PTK2: variants seen among roughly 807,000 people sequenced by gnomAD.
PTK2 encodes the protein protein tyrosine kinase 2.
Under a neutral mutation model 150.1 loss-of-function variants are expected in PTK2, and 45 were observed. The ratio of observed to expected loss-of-function variants is 0.30; its 90% confidence interval spans 0.24 to 0.38. PTK2 has a LOEUF of 0.38. Among genes scored for constraint, PTK2 ranks in the 10% least tolerant of loss-of-function variants. The pLI is 1.00. For synonymous variants in PTK2, 432 were observed against 449.2 expected, an observed-to-expected ratio of 0.96 and a Z score of 0.48; for missense variants, 919 against 1,307.3, an observed-to-expected ratio of 0.70 and a Z score of 4.58.
In PTK2 at chr8:140,735,551, A is replaced by G. The variant is rs2100052133; in HGVS notation, c.1826-96T>C. On this transcript the variant is annotated intron_variant, in intron 21 of 31. Transcript: ENST00000522684. The stretch of plus-strand genomic sequence containing the variant: ...TTGTTCTTCTAGGCACTCGAGTACC[A>G]GCTGGGAGGTAATGGGCAAATTATC... 4.0e-6 allele frequency: 5 copies of G among 1,242,280 alleles called. No individual in the cohort carries two copies. The Admixed American group carries it at 8.8e-5, about 22-fold the overall frequency. 77.0% of individuals were successfully genotyped at this position (1,242,280 alleles called of 1,614,324 possible).
At chr8:140,901,435 A>C (rs2100158395) in intron 2 of PTK2, among the ~76,000 whole-genome samples, 1 of 152,204 alleles carries the variant, frequency 6.6e-6, no homozygotes, top group African/African-American at 2.4e-5. Context: ...GATTACATCA[A>C]GATAAAAAGC....
At chr8:140,902,561 T>C (rs1388452249) in intron 2 of PTK2, among the ~76,000 whole-genome samples, 1 of 152,200 alleles carries the variant, frequency 6.6e-6, no homozygotes, top group East Asian at 1.9e-4. Flanking sequence ...GTTGAACTAA[T>C]TTACACTCCC....
At chr8:140,764,964 C>G (rs1294478307) in intron 14 of PTK2, 1 of 152,192 alleles carries the variant, frequency 6.6e-6, no homozygotes, top group Non-Finnish European at 1.5e-5. Flanking sequence ...TCCAATGTAT[C>G]TACCTACTCT....
At chr8:141,000,127 C>CACACACACACAA (rs58481152) in intron 1 of PTK2, among the ~76,000 whole-genome samples, 27 of 123,842 alleles carry the variant, frequency 2.2e-4, no homozygotes, top group African/African-American at 7.7e-4. Context: ...ACACACACAC[C>CACACACACACAA]CCTTCTTCTA....
At chr8:140,909,457 G>A (rs1311379507) in intron 2 of PTK2, 2 of 152,130 alleles carry the variant, frequency 1.3e-5, no homozygotes, top group East Asian at 3.8e-4. Context: ...GCCTACAACT[G>A]GAGAAGGTTA....
intron 14 of PTK2, among the ~76,000 whole-genome samples, chr8:140,778,774 A>G (rs2100079889): frequency 6.6e-6 from 1 of 152,172 alleles, no homozygotes; most frequent in Admixed American, 6.6e-5. Context: ...TTGTTAAGAA[A>G]CCAGAGAAGA....
In PTK2 at chr8:140,793,447, T is replaced by C. The variant is rs1378632521; in HGVS notation, c.1094-63A>G. On this transcript the variant is annotated intron_variant, in intron 12 of 31. Transcript: ENST00000522684. ...TCACTCCTTTTGAAAAGATGGTGCC[T>C]AGAATCAGGGAGGAAGGATGAGGCC... The C allele has an allele frequency of 2.6e-6, 4 of 1,567,140 alleles. No individual in the cohort carries two copies. In the African/African-American group the frequency reaches 5.5e-5, roughly 22 times the overall value.
At chr8:140,705,810 A>T (rs2154140250) in intron 24 of PTK2, among the ~76,000 whole-genome samples, 1 of 152,206 alleles carries the variant, frequency 6.6e-6, no homozygotes, top group East Asian at 1.9e-4. Context: ...CCAGTTCAGT[A>T]CTCCCTCTGC....
intron 27 of PTK2, among the ~76,000 whole-genome samples, chr8:140,685,498 G>A (rs147017170): frequency 1.8e-4 from 27 of 152,266 alleles, no homozygotes; most frequent in Middle Eastern, 3.4e-3. Flanking sequence ...ATCTGACAAA[G>A]GTCTAATATC....
intron 16 of PTK2, among the ~76,000 whole-genome samples, chr8:140,759,084 C>A (rs535957076): frequency 6.6e-6 from 1 of 152,128 alleles, no homozygotes; most frequent in South Asian, 2.1e-4. Context: ...TACCGTGTAA[C>A]GTTTGCACGA....
intron 1 of PTK2, among the ~76,000 whole-genome samples, chr8:140,977,580 C>T (rs2100189743): frequency 6.6e-6 from 1 of 151,228 alleles, no homozygotes; most frequent in Non-Finnish European, 1.5e-5. Context: ...CGAGACAGCA[C>T]CACTCCCCTC....
intron 2 of PTK2, chr8:140,921,060 G>T: frequency 7.6e-7 from 1 of 1,317,018 alleles, no homozygotes. Flanking sequence ...TTTGGAAGGT[G>T]TTCCTTCTGT....
chr8:140,708,631 C>T (rs764097821), intron 23 of PTK2, among the ~76,000 whole-genome samples: 24 of 152,024 alleles, frequency 1.6e-4, no homozygotes, highest in Non-Finnish European at 2.4e-4. Context: ...AACTAAATAA[C>T]AACATGAATT....
chr8:140,837,455 G>A lies in PTK2; in HGVS notation c.594-6929C>T, dbSNP rs535477380. ...TCAAAATAGTTATTTATGGCTGGGC[G>A]TGGTGACTCACACCTGTAATCCCAG... On this transcript the variant is annotated intron_variant, in intron 7 of 31. Coordinates refer to ENST00000522684, the Ensembl canonical transcript of PTK2. Among the ~76,000 whole-genome samples the A allele has an allele frequency of 3.6e-3, 551 of 152,292 alleles. 2 individuals are homozygous for A. The highest frequency in any genetic ancestry group is 0.01 in the Middle Eastern group (3 of 294).
At chr8:140,996,732 T>A (rs1214023708) in intron 1 of PTK2, among the ~76,000 whole-genome samples, 1 of 152,250 alleles carries the variant, frequency 6.6e-6, no homozygotes, top group Non-Finnish European at 1.5e-5. Context: ...TGAGATCTAC[T>A]GCTCAGAAAA....
chr8:140,848,462 C>T (rs62521877), intron 5 of PTK2, among the ~76,000 whole-genome samples: 5 of 152,020 alleles, frequency 3.3e-5, no homozygotes, highest in African/African-American at 1.2e-4. Flanking sequence ...AATGCATAAA[C>T]GAATGAACAA....
intron 1 of PTK2, among the ~76,000 whole-genome samples, chr8:140,944,359 G>C (rs1392049517): frequency 6.6e-6 from 1 of 152,156 alleles, no homozygotes; most frequent in Non-Finnish European, 1.5e-5. Context: ...CAATTCAGTA[G>C]GTGGCACTAT....
intron 5 of PTK2, among the ~76,000 whole-genome samples, chr8:140,853,282 C>G (rs997931593): frequency 1.3e-5 from 2 of 151,308 alleles, no homozygotes; most frequent in Non-Finnish European, 2.9e-5. Context: ...TGTTGGTGTG[C>G]TGCACCCATT....
intron 22 of PTK2, among the ~76,000 whole-genome samples, chr8:140,728,552 CTT>C (rs957574433): frequency 7.9e-5 from 12 of 152,174 alleles, no homozygotes; most frequent in Non-Finnish European, 1.3e-4. Flanking sequence ...GAGTTTCACT[CTT>C]GTTACCCAGG....
Sources: allele counts gnomAD v4.1 joint callset (sites outside exome capture counted in the v4.1 genomes callset), GRCh38; gene constraint gnomAD v4.1.1; transcripts MANE v1.5; gene names NCBI Gene and HGNC (gene_info 2026-07-23, HGNC 2026-07-21).